The following CNGB1 variants were observed in gnomAD, a reference collection of about 807,000 sequenced individuals.
CNGB1 encodes cyclic nucleotide-gated channel beta-1.
In CNGB1, 126 loss-of-function variants were observed where a neutral mutation model predicts 151.7. That is an observed-to-expected ratio of 0.83 (90% CI 0.72 to 0.96). CNGB1 has a LOEUF of 0.96. CNGB1 is among the 40% of genes least tolerant of loss of function. The pLI is 0.00. For synonymous variants in CNGB1, 623 were observed against 635.1 expected, an observed-to-expected ratio of 0.98 and a Z score of 0.29; for missense variants, 1,698 against 1,627.0, an observed-to-expected ratio of 1.04 and a Z score of -0.75.
At chr16:57,964,411 C>T (rs1014747308) in intron 3 of CNGB1, 76 bp downstream of exon 3, 43 of 1,575,270 alleles carry the variant, frequency 2.7e-5, no homozygotes, top group Non-Finnish European at 3.4e-5. Flanking sequence ...CCGCCAGCCT[C>T]GTGGGCTCTG....
chr16:57,926,593 C>G (rs1961195622), intron 17 of CNGB1, among the ~76,000 whole-genome samples: 1 of 152,144 alleles, frequency 6.6e-6, no homozygotes, highest in Admixed American at 6.5e-5. Flanking sequence ...CAAGAACAGC[C>G]CCACACAAGA....
intron 16 of CNGB1, among the ~76,000 whole-genome samples, chr16:57,934,690 C>G (rs1273713986): frequency 2.6e-5 from 4 of 152,116 alleles, no homozygotes; most frequent in Admixed American, 6.5e-5. Flanking sequence ...GGCGCAGCAG[C>G]TCACGCCTGT....
chr16:57,913,556 C>T (rs1405864219), intron 23 of CNGB1, among the ~76,000 whole-genome samples: 1 of 152,086 alleles, frequency 6.6e-6, no homozygotes, highest in Non-Finnish European at 1.5e-5. Flanking sequence ...TCATAGATAA[C>T]CACAGCCTCG....
Position 57,883,977 on chromosome 16 carries a change from C to T in CNGB1, c.*187G>A, listed in dbSNP as rs565898281. 2.7e-6 allele frequency: 2 copies of T among 746,222 alleles called. No individual in the cohort carries two copies. The highest frequency in any genetic ancestry group is 4.9e-5 in the Admixed American group (2 of 41,078). The allele number at this position is 746,222 out of a possible 1,614,324, so 46.2% of individuals were successfully genotyped here. On this transcript the variant is annotated 3_prime_UTR_variant, in exon 33 of 33. Transcript: ENST00000251102. ...CAACTTGTCGAGCTCAGGCCCAGCCCCGCGAGGAGCTGAGTCGGGGCTGGC... is the reference window on the plus strand; with the variant it reads ...CAACTTGTCGAGCTCAGGCCCAGCCTCGCGAGGAGCTGAGTCGGGGCTGGC...
intron 1 of CNGB1, among the ~76,000 whole-genome samples, chr16:57,967,620 T>C (rs1962433232): frequency 6.6e-6 from 1 of 151,844 alleles, no homozygotes; most frequent in African/African-American, 2.4e-5. Context: ...CGTTTGAGCC[T>C]AGGAGGTCGA....
Position 57,901,633 on chromosome 16 carries a change from C to A in CNGB1, c.2795-8G>T, listed in dbSNP as rs1394701604. The A allele has an allele frequency of 1.9e-6, 3 of 1,612,190 alleles. No individual in the cohort carries two copies. Among genetic ancestry groups the A allele is most frequent in the Non-Finnish European group, 1.7e-6 (2 of 1,179,108 alleles). On this transcript the variant is annotated splice_polypyrimidine_tract_variant and splice_region_variant and intron_variant, in intron 27 of 32. Transcript: ENST00000251102. ...CCATCAGCTCTGACTCATCTGTGAA[C>A]AAGGCCTGGCAAGGGTCAGAGGCAA...
intron 17 of CNGB1, among the ~76,000 whole-genome samples, chr16:57,930,126 G>A (rs1436707587): frequency 6.6e-6 from 1 of 152,082 alleles, no homozygotes; most frequent in Non-Finnish European, 1.5e-5. Flanking sequence ...AGAGATATTT[G>A]CACTCCCATG....
intron 14 of CNGB1, among the ~76,000 whole-genome samples, chr16:57,948,035 G>T (rs1003049221): frequency 3.3e-5 from 5 of 152,194 alleles, no homozygotes; most frequent in African/African-American, 9.7e-5. Flanking sequence ...CAGAGGGACA[G>T]GTCAGGGAGA....
At chr16:57,897,301 C>CAAAAA in intron 31 of CNGB1, 96 bp downstream of exon 31, 2 of 1,051,214 alleles carry the variant, frequency 1.9e-6, no homozygotes, top group Non-Finnish European at 2.6e-6. Flanking sequence ...GATGTCATCT[C>CAAAAA]AAAAAAAAAA....
intron 17 of CNGB1, among the ~76,000 whole-genome samples, chr16:57,928,973 G>A (rs529918035): frequency 6.6e-6 from 1 of 152,276 alleles, no homozygotes; most frequent in South Asian, 2.1e-4. Context: ...ATGGGTAGAT[G>A]ACACTGAAAG....
intron 12 of CNGB1, among the ~76,000 whole-genome samples, chr16:57,951,600 A>G (rs764848138): frequency 2.0e-5 from 3 of 152,200 alleles, no homozygotes; most frequent in African/African-American, 2.4e-5. Flanking sequence ...ATGATGTTGC[A>G]TAACAACAAT....
At chr16:57,892,267 A>G (rs8046202) in intron 31 of CNGB1, among the ~76,000 whole-genome samples, 39,003 of 151,782 alleles carry the variant, frequency 0.26, 6,650 homozygotes, top group African/African-American at 0.49. Flanking sequence ...TTGGCGTTGC[A>G]AGTCCATTTC....
In CNGB1 at chr16:57,917,281, C is replaced by G. The variant is rs201909863; in HGVS notation, c.2153G>C (p.Gly718Ala). The G allele has an allele frequency of 1.5e-4, 237 of 1,613,824 alleles. 2 individuals are homozygous for G. In the Middle Eastern group the frequency reaches 3.1e-3, roughly 21 times the overall value. The change falls in exon 21 of 33, where the codon GGC becomes GCC. Residue 718 changes from glycine (G) to alanine (A), a missense_variant. Physicochemically the swap from Gly to Ala is moderately conservative, Grantham distance 60. Coordinates refer to ENST00000251102, the MANE Select transcript of CNGB1 (RefSeq NM_001297.5). Reference protein sequence around the residue: ...VFQTRLQFVRGGDIITDKKDM... With the variant: ...VFQTRLQFVRAGDIITDKKDM... Reference sequence around the variant, plus strand: ...CCTGTGACTCACAATGATGTCCCCGCCTCTGACAAACTGCAGGCGTGTCTG... The same window carrying G: ...CCTGTGACTCACAATGATGTCCCCGGCTCTGACAAACTGCAGGCGTGTCTG...
intron 16 of CNGB1, among the ~76,000 whole-genome samples, chr16:57,933,796 C>T (rs1596991921): frequency 7.2e-6 from 1 of 139,574 alleles, no homozygotes; most frequent in East Asian, 2.1e-4. Flanking sequence ...GATCTCGGCT[C>T]ACTGCAACCT....
intron 16 of CNGB1, among the ~76,000 whole-genome samples, chr16:57,935,706 C>T (rs1408852049): frequency 2.0e-5 from 3 of 151,640 alleles, no homozygotes; most frequent in Admixed American, 2.0e-4. Context: ...TGGCCTGTGG[C>T]GGTGGGAGCT....
intron 1 of CNGB1, among the ~76,000 whole-genome samples, chr16:57,969,303 CCTT>C (rs1397412845): frequency 6.6e-6 from 1 of 152,014 alleles, no homozygotes; most frequent in Non-Finnish European, 1.5e-5. Flanking sequence ...GAGCAAGACT[CCTT>C]CTCAAAAACA....
intron 29 of CNGB1, among the ~76,000 whole-genome samples, chr16:57,900,954 C>T (rs1888763907): frequency 6.6e-6 from 1 of 152,142 alleles, no homozygotes; most frequent in African/African-American, 2.4e-5. Context: ...TCTCCTGCCC[C>T]ATTTTCCTGA....
intron 20 of CNGB1, among the ~76,000 whole-genome samples, chr16:57,918,771 C>G (rs1366442623): frequency 3.9e-5 from 6 of 152,182 alleles, no homozygotes; most frequent in Non-Finnish European, 8.8e-5. Flanking sequence ...GCGATCTTGA[C>G]TCAGTGCACT....
chr16:57,916,177 C>A lies in CNGB1; in HGVS notation c.2169G>T (p.Thr723=), dbSNP rs775308719. 1 of 1,613,480 alleles carries A rather than the reference C, an allele frequency of 6.2e-7. No individual in the cohort carries two copies. Among genetic ancestry groups the A allele is most frequent in the South Asian group, 1.1e-5 (1 of 91,052 alleles). The part of the protein sequence containing the change: ...LQFVRGGDII[T]DKKDMRNNYL... ...AGTTATTTCGCATGTCCTTTTTGTC[C>A]GTCTGAAAGAAAGGGAATGATGATG... is the stretch of plus-strand genomic sequence containing the variant. Residue 723 remains threonine, a splice_region_variant and synonymous_variant, in exon 22 of 33, where the codon ACG becomes ACT. Transcript: ENST00000251102.
Sources: gnomAD v4.1 joint callset for allele counts (sites outside exome capture counted in the v4.1 genomes callset) on GRCh38, gnomAD v4.1.1 for gene constraint, MANE v1.5 for transcripts, NCBI Gene and HGNC (gene_info 2026-07-23, HGNC 2026-07-21) for gene names.